The following NACA variants were observed in gnomAD, a reference collection of about 807,000 sequenced individuals.
NACA encodes nascent polypeptide associated complex subunit alpha, also known as nascent polypeptide-associated complex subunit alpha.
In NACA, 42 loss-of-function variants were observed where a neutral mutation model predicts 86.4. That is an observed-to-expected ratio of 0.49 (90% confidence interval 0.38 to 0.63). NACA has a LOEUF of 0.63. NACA is among the 20% of genes least tolerant of loss of function. The pLI is 0.00. For synonymous variants in NACA, 898 were observed against 973.7 expected (o/e 0.92, Z 1.45); for missense variants, 2,157 against 2,483.6 (o/e 0.87, Z 2.80).
Position 56,721,429 on chromosome 12 carries a change from A to G in NACA, c.101T>C (p.Val34Ala). The change falls in exon 3 of 9, where the codon GTC becomes GCC. Residue 34 changes from valine to alanine, a missense_variant. Physicochemically the swap from Val to Ala is moderately conservative, Grantham distance 64. Transcript: ENST00000454682. ...AVLPMSSALS[V>A]TAALGQPGPT... ...TCCAGGCTGCCCTAAGGCAGCAGTG[A>G]CACTCAAGGCTGAAGACATAGGTAG... 1 of 1,531,230 alleles carries G rather than the reference A, an allele frequency of 6.5e-7. No homozygotes were observed. Among genetic ancestry groups the G allele is most frequent in the Admixed American group, 2.2e-5 (1 of 46,296 alleles). 94.9% of individuals were successfully genotyped at this position (1,531,230 alleles called of 1,614,324 possible). A position where few individuals can be genotyped will look rare whatever the true frequency, so the allele number is the denominator to read the frequency against.
At position 56,716,996 on chromosome 12, in the gene NACA, A is replaced by G; in HGVS notation, c.4534T>C (p.Ser1512Pro). ...APTLPAVIPS[S>P]PKEVPATPSS... ...GGGGTAGCTGGGACCTCTTTGGGGGAAGAAGGAATCACAGCTGGCAGAGTG... is the reference window on the plus strand; with the variant it reads ...GGGGTAGCTGGGACCTCTTTGGGGGGAGAAGGAATCACAGCTGGCAGAGTG... Residue 1512 changes from serine to proline, a missense_variant, in exon 3 of 9, where the codon TCC becomes CCC. By Grantham distance (74) the Ser-to-Pro change is moderately conservative (BLOSUM62 -1). Transcript: ENST00000454682. The G allele has an allele frequency of 7.9e-7, 1 of 1,266,248 alleles. No homozygotes were observed. Among genetic ancestry groups the G allele is most frequent in the Non-Finnish European group, 1.0e-6 (1 of 987,808 alleles). The allele number at this position is 1,266,248 out of a possible 1,614,324, so 78.4% of individuals were successfully genotyped here.
chr12:56,714,540 A>G, intron 4 of NACA, 62 bp downstream of exon 4: 1 of 1,606,242 alleles, frequency 6.2e-7, no homozygotes, highest in Middle Eastern at 1.7e-4. Context: ...TTCCAAATAC[A>G]AAAGTTGCCC....
Position 56,720,667 on chromosome 12 carries a change from G to T in NACA, c.863C>A (p.Ser288Tyr), listed in dbSNP as rs1333645760. The change falls in exon 3 of 9, where the codon TCT (serine) becomes TAT (tyrosine). Residue 288 changes from serine to tyrosine, a missense_variant. Ser to Tyr is a moderately radical substitution (Grantham distance 144, BLOSUM62 -2). This residue lies in a region of NACA where 947 missense variants were observed against 917.9 expected (regional missense o/e 1.03). Transcript: ENST00000454682. ...GTTGGGACCCGCAGTCTTTTGAGAA[G>T]AGGTCACCACAGGAAGAGACTGAGT... ...LSTQSLPVVT[S>Y]SQKTAGPNTP... is the part of the protein sequence containing the mutation. 2 of 1,613,890 alleles carry T rather than the reference G, an allele frequency of 1.2e-6. No individual in the cohort carries two copies. The highest frequency in any genetic ancestry group is 2.7e-5 in the African/African-American group (2 of 74,938).
chr12:56,718,573 G>C lies in NACA; in HGVS notation c.2957C>G (p.Pro986Arg). Residue 986 changes from proline (P) to arginine (R), a missense_variant, in exon 3 of 9, where the codon CCC becomes CGC. This residue lies in a region of NACA where 124 missense variants were observed against 186.5 expected (regional missense o/e 0.66). Transcript: ENST00000454682. ...GGGAGGAGTTGCAGCTGGGGGTGTG[G>C]GGGCCCCTTTGGGGGATGGAGTAGC... ...GPATPSPKGA[P>R]TPPAATPPSP... The C allele has an allele frequency of 2.3e-6, 3 of 1,314,694 alleles. No individual in the cohort carries two copies. The highest frequency in any genetic ancestry group is 3.0e-6 in the Non-Finnish European group (3 of 1,012,910). 81.4% of individuals were successfully genotyped at this position (1,314,694 alleles called of 1,614,324 possible).
rs773898867 is a variant in NACA at position 56,724,529 on chromosome 12, G to A, written c.-2-6C>T. The A allele has an allele frequency of 3.1e-6, 5 of 1,611,140 alleles. No homozygotes were observed. In the South Asian group the frequency reaches 4.4e-5, roughly 14 times the overall value. Reference sequence around the variant, plus strand: ...TGTGGCTTCGCCGGGCATTTCTGAAGGAAGGGAATAAAAAGGAGGCCTAAA... The same window carrying A: ...TGTGGCTTCGCCGGGCATTTCTGAAAGAAGGGAATAAAAAGGAGGCCTAAA... On this transcript the variant is annotated splice_region_variant and splice_polypyrimidine_tract_variant and intron_variant, in intron 1 of 8. Coordinates refer to ENST00000454682, the MANE Select transcript of NACA (RefSeq NM_001365896.1).
Position 56,721,257 on chromosome 12 carries a change from TAG to T in NACA, c.271_272del (p.Leu91ThrfsTer7). The T allele has an allele frequency of 1.2e-6, 2 of 1,612,788 alleles. No individual in the cohort carries two copies. The highest frequency in any genetic ancestry group is 1.7e-6 in the Non-Finnish European group (2 of 1,179,542). On this transcript the variant is annotated frameshift_variant, in exon 3 of 9. Coordinates refer to ENST00000454682, the MANE Select transcript of NACA (RefSeq NM_001365896.1). LOFTEE classifies it high-confidence loss of function. ...GGGCTTCAGGGGCAGTTCCCAAAGG[TAG>T]GGCTGTTCCAGAGGATGACTGGGGA... ...PFPQSSSGTA[L>X]PLGTAPEAPT... is the part of the protein sequence containing the mutation.
chr12:56,721,511 G>T, intron 2 of NACA, 52 bp from the exon 3 acceptor site: 1 of 1,277,234 alleles, frequency 7.8e-7, no homozygotes, highest in South Asian at 1.6e-5. Context: ...GGAGAAAAAA[G>T]GTGAGTTATG....
chr12:56,721,459 G>A lies in NACA; in HGVS notation c.71C>T (p.Ala24Val). 1 of 1,489,568 alleles carries A rather than the reference G, an allele frequency of 6.7e-7. No individual in the cohort carries two copies. Among genetic ancestry groups the A allele is most frequent in the South Asian group, 1.4e-5 (1 of 73,188 alleles). The allele number at this position is 1,489,568 out of a possible 1,614,324, so 92.3% of individuals were successfully genotyped here. Residue 24 changes from alanine to valine, a missense_variant and splice_region_variant, in exon 3 of 9, where the codon GCT becomes GTT. Physicochemically the swap from Ala to Val is moderately conservative, Grantham distance 64. Coordinates refer to ENST00000454682, the MANE Select transcript of NACA (RefSeq NM_001365896.1). ...QELPQPQAET[A>V]VLPMSSALSV... ...CAAGGCTGAAGACATAGGTAGCACA[G>A]CTGGAGAAAGGCAAAAGGAGATAAA...
Position 56,719,206 on chromosome 12 carries a change from G to C in NACA, c.2324C>G (p.Ser775Cys). 1 of 1,490,028 alleles carries C rather than the reference G, an allele frequency of 6.7e-7. No individual in the cohort carries two copies. Among genetic ancestry groups the C allele is most frequent in the Non-Finnish European group, 9.1e-7 (1 of 1,100,292 alleles). 92.3% of individuals were successfully genotyped at this position (1,490,028 alleles called of 1,614,324 possible). Residue 775 changes from serine to cysteine, a missense_variant, in exon 3 of 9, where the codon TCT becomes TGT. By Grantham distance (112) the Ser-to-Cys change is moderately radical. This residue lies in a region of NACA where 947 missense variants were observed against 917.9 expected (regional missense o/e 1.03). Transcript: ENST00000454682. ...SSPKECPTED[S>C]GASATASSKG... ...GGAAGATGCAGTAGCAGAAGCACCA[G>C]AGTCCTCAGTTGGGCACTCTTTGGG...
chr12:56,718,164 G>T lies in NACA; in HGVS notation c.3366C>A (p.His1122Gln), dbSNP rs58668145. Residue 1122 changes from histidine to glutamine, a missense_variant, in exon 3 of 9, where the codon CAC becomes CAA. This residue lies in a region of NACA where 124 missense variants were observed against 186.5 expected (regional missense o/e 0.66). Transcript: ENST00000454682. ...CAGCTGGGGTTGTGGGTGCCCCTTT[G>T]TGGGGTGGGGTAGCTAGACCTCCTT... Reference protein sequence around the residue: ...SPKGGLATPPHKGAPTTPAAT... With the variant: ...SPKGGLATPPQKGAPTTPAAT... 3.0e-4 allele frequency: 112 copies of T among 371,718 alleles called. 24 individuals carry two copies. In the East Asian group the frequency reaches 3.3e-3, roughly 11 times the overall value. 23.0% of individuals were successfully genotyped at this position (371,718 alleles called of 1,614,324 possible).
chr12:56,720,558 A>G lies in NACA; in HGVS notation c.972T>C (p.Gly324=), dbSNP rs747185124. ...QSSFGSVQLL[G]QTGPSALSDP... is the part of the protein sequence containing the mutation. ...CTGACAAAGCACTAGGACCTGTTTG[A>G]CCTAAAAGTTGGACAGAACCAAAAG... Residue 324 remains glycine (G), a synonymous_variant, in exon 3 of 9, where the codon GGT becomes GGC. Coordinates refer to ENST00000454682, the MANE Select transcript of NACA (RefSeq NM_001365896.1). 14 of 1,613,858 alleles carry G rather than the reference A, an allele frequency of 8.7e-6. No homozygotes were observed. The highest frequency in any genetic ancestry group is 1.2e-5 in the Non-Finnish European group (14 of 1,179,886).
intron 4 of NACA, 53 bp from the exon 5 acceptor site, chr12:56,714,492 CA>C (rs1953296880): frequency 1.2e-6 from 2 of 1,605,606 alleles, no homozygotes; most frequent in Admixed American, 1.7e-5. Context: ...CTGGATAGCA[CA>C]ATCTCCTTGT....
rs149157801 is a variant in NACA at position 56,714,428 on chromosome 12, T to C, written c.5757A>G (p.Ala1919=). ...TGACTGGTTCTTCATCAATTTCAGC[T>C]GCTGCCGCCAGCTAAGAAGATAAAA... is the stretch of plus-strand genomic sequence containing the variant. ...ATTQQAQLAA[A]AEIDEEPVSK... Residue 1919 remains alanine, a synonymous_variant, in exon 5 of 9, where the codon GCA becomes GCG. Coordinates refer to ENST00000454682, the MANE Select transcript of NACA (RefSeq NM_001365896.1). The C allele has an allele frequency of 5.0e-6, 8 of 1,613,804 alleles. No individual in the cohort carries two copies. Among genetic ancestry groups the C allele is most frequent in the Non-Finnish European group, 6.8e-6 (8 of 1,179,762 alleles).
chr12:56,723,419 T>C (rs1953625862), intron 2 of NACA, among the ~76,000 whole-genome samples: 1 of 152,256 alleles, frequency 6.6e-6, no homozygotes, highest in Non-Finnish European at 1.5e-5. Flanking sequence ...TCTCGTTTTG[T>C]ACTGAAATTA....
rs774503284 is a variant in NACA, at chr12:56,717,595, G to C, written c.3935C>G (p.Pro1312Arg). Residue 1312 changes from proline to arginine, a missense_variant, in exon 3 of 9, where the codon CCT becomes CGT. Transcript: ENST00000454682. Reference protein sequence around the residue: ...ATSPPKGAPTPPAATPPSPKG... With the variant: ...ATSPPKGAPTRPAATPPSPKG... ...TGGGGAGGGAGGAGTTGCAGCTGGA[G>C]GAGTGGGGGCCCCTTTGGGGGGTGA... 3.2e-6 allele frequency: 4 copies of C among 1,264,194 alleles called. No homozygotes were observed. In the South Asian group the frequency reaches 6.8e-5, roughly 22 times the overall value. 78.3% of individuals were successfully genotyped at this position (1,264,194 alleles called of 1,614,324 possible).
At chr12:56,713,762 C>T in intron 5 of NACA, 79 bp from the exon 6 acceptor site, 1 of 1,380,338 alleles carries the variant, frequency 7.2e-7, no homozygotes, top group Admixed American at 2.0e-5. Context: ...ATACAACATC[C>T]AAAGCAAAGC....
At chr12:56,713,788 GA>G in intron 5 of NACA, 105 bp from the exon 6 acceptor site, 1 of 1,172,166 alleles carries the variant, frequency 8.5e-7, no homozygotes, top group Non-Finnish European at 1.2e-6. Context: ...CCCAGGCTGA[GA>G]AAAGTTCATA....
chr12:56,717,967 G>A lies in NACA; in HGVS notation c.3563C>T (p.Thr1188Ile). ...TPPSPKGGLA[T>I]PSPKGAPTTP... Reference sequence around the variant, plus strand: ...TGTGGGGGCCCCTTTGGGGGATGGGGTAGCTAGACCTCCTTTTGGGGAAGG... The same window carrying A: ...TGTGGGGGCCCCTTTGGGGGATGGGATAGCTAGACCTCCTTTTGGGGAAGG... Residue 1188 changes from threonine to isoleucine, a missense_variant, in exon 3 of 9, where the codon ACC (threonine) becomes ATC (isoleucine). Thr to Ile is a moderately conservative substitution (Grantham distance 89). Coordinates refer to ENST00000454682, the MANE Select transcript of NACA (RefSeq NM_001365896.1). The A allele has an allele frequency of 9.1e-7, 1 of 1,097,044 alleles. No homozygotes were observed. Among genetic ancestry groups the A allele is most frequent in the Non-Finnish European group, 1.1e-6 (1 of 894,210 alleles). 68.0% of individuals were successfully genotyped at this position (1,097,044 alleles called of 1,614,324 possible).
At position 56,720,588 on chromosome 12, in the gene NACA, C is replaced by CT. The variant is rs1953544332; in HGVS notation, c.941dup (p.Ser315GlufsTer15). 1.2e-6 allele frequency: 2 copies of CT among 1,613,800 alleles called. No individual in the cohort carries two copies. The highest frequency in any genetic ancestry group is 1.7e-6 in the Non-Finnish European group (2 of 1,179,892). The stretch of plus-strand genomic sequence containing the variant: ...AAAGTTGGACAGAACCAAAAGAACT[C>CT]TGATGTAAAGGTGCAAGATGAGAGC... On this transcript the variant is annotated frameshift_variant, in exon 3 of 9. Transcript: ENST00000454682. LOFTEE classifies it high-confidence loss of function.
Sources: allele counts gnomAD v4.1 joint callset (sites outside exome capture counted in the v4.1 genomes callset), GRCh38; gene constraint gnomAD v4.1.1; regional missense constraint gnomAD v4.1.1; transcripts MANE v1.5; gene names NCBI Gene and HGNC (gene_info 2026-07-23, HGNC 2026-07-21).